SLIT2: variants seen among roughly 807,000 people sequenced by gnomAD.
SLIT2 encodes slit homolog 2 protein.
A neutral mutation model predicts 185.7 loss-of-function variants in SLIT2; 41 were observed. The observed-to-expected ratio is 0.22, with a 90% CI of 0.17 to 0.29. The LOEUF (loss-of-function observed/expected upper bound fraction) is 0.29. Ranked by LOEUF, SLIT2 falls within the 10% of genes least tolerant of loss-of-function variation. SLIT2 has a pLI of 1.00. For missense variants in SLIT2, 1,571 were observed against 1,909.0 expected, an observed-to-expected ratio of 0.82 and a Z score of 3.30; for synonymous variants, 693 against 680.2, an observed-to-expected ratio of 1.02 and a Z score of -0.29.
intron 4 of SLIT2, among the ~76,000 whole-genome samples, chr4:20,443,690 G>A (rs573463484): frequency 3.3e-5 from 5 of 151,706 alleles, no homozygotes; most frequent in African/African-American, 9.7e-5. Context: ...AGTACCAAGC[G>A]GTCTTAGGTG....
intron 4 of SLIT2, among the ~76,000 whole-genome samples, chr4:20,382,253 C>T (rs1236810947): frequency 6.6e-6 from 1 of 152,074 alleles, no homozygotes; most frequent in Non-Finnish European, 1.5e-5. Context: ...TAGTTAACAT[C>T]CTCCAATATG....
rs1052692253 is a variant in SLIT2 at position 20,254,548 on chromosome 4, G to A, written c.179+554G>A. 6.6e-6 allele frequency among the ~76,000 whole-genome samples: 1 copy of A among 152,112 alleles called. No homozygotes were observed. Among genetic ancestry groups the A allele is most frequent in the Non-Finnish European group, 1.5e-5 (1 of 68,016 alleles). The stretch of plus-strand genomic sequence containing the variant: ...CCTGGGGGTGCTTCTCACAGGTCGC[G>A]GGGAGAAGGGTGCCCCAGGACGGCG... On this transcript the variant is annotated intron_variant, in intron 1 of 36. Transcript: ENST00000504154. The surrounding 1 kb of genome is among the most constrained non-coding windows in gnomAD (Gnocchi z 5.1).
At chr4:20,461,601 T>C (rs149726184) in intron 4 of SLIT2, among the ~76,000 whole-genome samples, 1,632 of 152,122 alleles carry the variant, frequency 0.011, 13 homozygotes, top group Non-Finnish European at 0.016. Flanking sequence ...CAAGATGAGA[T>C]GGTAGGTGCG....
chr4:20,277,191 T>A (rs1480047027), intron 4 of SLIT2, among the ~76,000 whole-genome samples: 2 of 152,154 alleles, frequency 1.3e-5, no homozygotes, highest in Non-Finnish European at 2.9e-5. Context: ...AAATGATCAT[T>A]TAATTAACAC....
intron 4 of SLIT2, among the ~76,000 whole-genome samples, chr4:20,437,609 T>TCC (rs1223872833): frequency 6.8e-6 from 1 of 147,266 alleles, no homozygotes; most frequent in East Asian, 2.0e-4. Context: ...AGTGAGACCT[T>TCC]ATCTTATAAA....
At chr4:20,552,830 A>G (rs376412858) in intron 25 of SLIT2, 13 of 152,210 alleles carry the variant, frequency 8.5e-5, no homozygotes, top group Admixed American at 2.6e-4. Context: ...ATGCCATTGT[A>G]TGCATCTACG....
At chr4:20,294,875 AG>A (rs1716314102) in intron 4 of SLIT2, among the ~76,000 whole-genome samples, 1 of 152,188 alleles carries the variant, frequency 6.6e-6, no homozygotes, top group African/African-American at 2.4e-5. Flanking sequence ...AAAAACAAGG[AG>A]GGTATTAAAA....
chr4:20,336,462 A>T (rs1334977075), intron 4 of SLIT2, among the ~76,000 whole-genome samples: 2 of 152,178 alleles, frequency 1.3e-5, no homozygotes, highest in African/African-American at 4.8e-5. Flanking sequence ...GTTCTTACTC[A>T]TAGGTGGGAA....
chr4:20,544,038 G>T (rs1577896676), intron 21 of SLIT2, among the ~76,000 whole-genome samples: 1 of 151,972 alleles, frequency 6.6e-6, no homozygotes, highest in East Asian at 1.9e-4. Flanking sequence ...GTGGGGGGAT[G>T]GGGGAGGGAT....
intron 4 of SLIT2, among the ~76,000 whole-genome samples, chr4:20,445,411 A>T (rs904815765): frequency 6.6e-6 from 1 of 152,214 alleles, no homozygotes; most frequent in African/African-American, 2.4e-5. Flanking sequence ...CTCTGTAGGG[A>T]TGCTCATTAA....
At chr4:20,557,376 C>T (rs911170750) in intron 26 of SLIT2, among the ~76,000 whole-genome samples, 1 of 151,940 alleles carries the variant, frequency 6.6e-6, no homozygotes, top group Non-Finnish European at 1.5e-5. Context: ...GCTCATTTAC[C>T]ATTCCGAAAA....
At chr4:20,368,219 C>A (rs1467090642) in intron 4 of SLIT2, among the ~76,000 whole-genome samples, 843 of 106,878 alleles carry the variant, frequency 7.9e-3, no homozygotes, top group South Asian at 9.9e-3. Context: ...CACAAAATAG[C>A]AAAAAAAAAA....
At chr4:20,491,419 A>T (rs1256830187) in intron 8 of SLIT2, among the ~76,000 whole-genome samples, 2 of 152,218 alleles carry the variant, frequency 1.3e-5, no homozygotes, top group African/African-American at 4.8e-5. Context: ...TTAGGAATGA[A>T]GATAAATTAG....
intron 5 of SLIT2, among the ~76,000 whole-genome samples, chr4:20,480,060 A>G (rs193090462): frequency 3.3e-5 from 5 of 152,338 alleles, no homozygotes; most frequent in African/African-American, 9.6e-5. Flanking sequence ...TGTATTTACA[A>G]TGCAGAGCAT....
In SLIT2 at chr4:20,547,343, T is replaced by C. The variant is rs368762014; in HGVS notation, c.2346-1145T>C. On this transcript the variant is annotated intron_variant, in intron 22 of 36. Transcript: ENST00000504154. The stretch of plus-strand genomic sequence containing the variant: ...ATTTGTGGGACAGCATGTGATTACT[T>C]TCAAGCCAGCTCGAAATGACAAATG... 4.6e-5 allele frequency among the ~76,000 whole-genome samples: 7 copies of C among 152,202 alleles called. No homozygotes were observed. The East Asian group carries it at 9.7e-4, about 21-fold the overall frequency.
intron 30 of SLIT2, among the ~76,000 whole-genome samples, chr4:20,592,868 C>T (rs567900812): frequency 2.8e-4 from 42 of 152,264 alleles, no homozygotes; most frequent in Middle Eastern, 3.4e-3. Context: ...GGCTGCAAAG[C>T]AAGCATGCTT....
intron 25 of SLIT2, 36 bp from the exon 26 acceptor site, chr4:20,553,769 G>A (rs1723994771): frequency 1.3e-6 from 2 of 1,516,904 alleles, no homozygotes; most frequent in South Asian, 1.3e-5. Flanking sequence ...GTGTGTGTGT[G>A]TATGTGTGTG....
intron 18 of SLIT2, 43 bp from the exon 19 acceptor site, chr4:20,539,398 C>T (rs1400793340): frequency 1.3e-6 from 2 of 1,578,206 alleles, no homozygotes; most frequent in African/African-American, 1.4e-5. Context: ...AATTGATTGC[C>T]TGATGCTTTG....
rs1243808944 is a variant in SLIT2, at chr4:20,329,324, T to G, written c.395+60443T>G. ...TAATTATTATAATAAGATGATTATA[T>G]TAGAATAATTAGATGAAATAAGATG... On this transcript the variant is annotated intron_variant, in intron 4 of 36. Coordinates refer to ENST00000504154, the MANE Select transcript of SLIT2 (RefSeq NM_004787.4). Among the ~76,000 whole-genome samples, 7 of 151,996 alleles carry G rather than the reference T, an allele frequency of 4.6e-5. No individual in the cohort carries two copies. In the East Asian group the frequency reaches 1.4e-3, roughly 29 times the overall value.
Sources: allele counts gnomAD v4.1 joint callset (sites outside exome capture counted in the v4.1 genomes callset), GRCh38; gene constraint gnomAD v4.1.1; non-coding constraint Gnocchi (gnomAD v3.1); transcripts MANE v1.5; gene names NCBI Gene and HGNC (gene_info 2026-07-23, HGNC 2026-07-21).